SREBF2: variants seen among roughly 807,000 people sequenced by gnomAD.
SREBF2 encodes sterol regulatory element-binding protein 2.
SREBF2 carries 55 observed loss-of-function variants against 113.1 expected under a neutral mutation model. The observed-to-expected ratio is 0.49, with a 90% CI of 0.39 to 0.61. The LOEUF is 0.61. Among genes scored for constraint, SREBF2 ranks in the 20% least tolerant of loss-of-function variants. The pLI is 0.00. For missense variants in SREBF2, 1,349 were observed against 1,487.4 expected (o/e 0.91, Z 1.53); for synonymous variants, 593 against 605.7 (o/e 0.98, Z 0.31).
chr22:41,903,322 A>ATGTGTCCC (rs1259602402), intron 17 of SREBF2, among the ~76,000 whole-genome samples, 167 bp downstream of exon 17: 2 of 152,238 alleles, frequency 1.3e-5, no homozygotes, highest in Admixed American at 1.3e-4. Flanking sequence ...GCTAGGCGCC[A>ATGTGTCCC]TGTGTCCCTG....
chr22:41,902,513 A>ACTC (rs894943964), intron 16 of SREBF2, among the ~76,000 whole-genome samples: 3 of 146,752 alleles, frequency 2.0e-5, no homozygotes, highest in Admixed American at 6.8e-5. Context: ...TCCCTCTCCC[A>ACTC]CTCCTCCTCC....
chr22:41,838,977 G>T (rs1431203026), intron 1 of SREBF2, among the ~76,000 whole-genome samples: 1 of 152,126 alleles, frequency 6.6e-6, no homozygotes, highest in African/African-American at 2.4e-5. Flanking sequence ...CTGACTAGGT[G>T]TTCTGTAAAG....
chr22:41,898,934 A>C, intron 15 of SREBF2, 153 bp downstream of exon 15: 1 of 1,120,268 alleles, frequency 8.9e-7, no homozygotes, highest in Non-Finnish European at 1.3e-6. Context: ...TGAGGGCACC[A>C]TGGAGAACTC....
intron 7 of SREBF2, 42 bp downstream of exon 7, chr22:41,875,766 AT>A: frequency 6.2e-7 from 1 of 1,608,962 alleles, no homozygotes; most frequent in South Asian, 1.1e-5. Context: ...AATCTTTCCC[AT>A]TTCCCCTAAG....
Position 41,844,033 on chromosome 22 carries a change from TACACACACACACACACAC to T in SREBF2, c.88+10690_88+10707del, listed in dbSNP as rs71311415. Among the ~76,000 whole-genome samples the T allele has an allele frequency of 5.7e-5, 7 of 123,142 alleles. No homozygotes were observed. In the South Asian group the frequency reaches 1.2e-3, roughly 22 times the overall value. 80.8% of individuals were successfully genotyped at this position (123,142 alleles called of 152,430 possible). A position where few individuals can be genotyped will look rare whatever the true frequency, so the allele number is the denominator to read the frequency against. Reference sequence around the variant, plus strand: ...CCTGTCTCAAAAAAAAAAAAATACATACACACACACACACACACACACACACACACACGTATATGTATA... The same window carrying T: ...CCTGTCTCAAAAAAAAAAAAATACATACACACACACACACGTATATGTATA... On this transcript the variant is annotated intron_variant, in intron 1 of 18. Transcript: ENST00000361204.
At chr22:41,840,035 C>T (rs537981503) in intron 1 of SREBF2, among the ~76,000 whole-genome samples, 1 of 148,478 alleles carries the variant, frequency 6.7e-6, no homozygotes, top group African/African-American at 2.5e-5. Context: ...TCTCAGCTCA[C>T]TGCAGCCTCT....
chr22:41,875,462 T>C lies in SREBF2; in HGVS notation c.1204+11T>C. 6.8e-6 allele frequency: 11 copies of C among 1,614,238 alleles called. No individual in the cohort carries two copies. Among genetic ancestry groups the C allele is most frequent in the African/African-American group, 2.7e-5 (2 of 75,068 alleles). On this transcript the variant is annotated intron_variant, in intron 6 of 18. Transcript: ENST00000361204. ...CAAATCAAAAGAACAGTAAGTGTGC[T>C]GAGAAAAGGCTTGTCAGCCCTGGCC...
chr22:41,900,645 G>A, intron 16 of SREBF2, 147 bp downstream of exon 16: 1 of 812,456 alleles, frequency 1.2e-6, no homozygotes, highest in South Asian at 1.8e-5. Context: ...AAAAGTTACG[G>A]CTTATTGGCC....
chr22:41,848,118 T>C (rs2076894909), intron 1 of SREBF2, among the ~76,000 whole-genome samples: 2 of 151,982 alleles, frequency 1.3e-5, no homozygotes, highest in Admixed American at 1.3e-4. Flanking sequence ...ATTATTATTA[T>C]ACTTTGAGTT....
intron 8 of SREBF2, among the ~76,000 whole-genome samples, chr22:41,877,697 G>A (rs566754173): frequency 2.4e-4 from 37 of 152,272 alleles, no homozygotes; most frequent in African/African-American, 7.9e-4. Flanking sequence ...GGAGGATATC[G>A]TGTTTTTTAT....
At chr22:41,892,991 C>T (rs2077378831) in intron 11 of SREBF2, 126 bp from the exon 12 acceptor site, 1 of 1,164,266 alleles carries the variant, frequency 8.6e-7, no homozygotes, top group African/African-American at 1.5e-5. Context: ...GGAGTCCTAT[C>T]CCTGTGCTGA....
At chr22:41,877,547 G>C in intron 8 of SREBF2, 126 bp downstream of exon 8, 1 of 1,122,260 alleles carries the variant, frequency 8.9e-7, no homozygotes, top group Non-Finnish European at 1.3e-6. Flanking sequence ...GCCCCCACCT[G>C]CTTGCTTCTG....
intron 11 of SREBF2, among the ~76,000 whole-genome samples, chr22:41,886,720 T>C (rs1482386209): frequency 2.0e-5 from 3 of 152,270 alleles, no homozygotes; most frequent in Non-Finnish European, 2.9e-5. Flanking sequence ...AGTAAACTTA[T>C]CAAAGTACAT....
intron 16 of SREBF2, chr22:41,901,014 GGCCT>G (rs1166802242): frequency 1.9e-6 from 1 of 526,660 alleles, no homozygotes; most frequent in Admixed American, 2.0e-5. Context: ...GCATCACAGA[GGCCT>G]GCCTGGCCCT....
intron 1 of SREBF2, among the ~76,000 whole-genome samples, chr22:41,856,312 A>G (rs944285212): frequency 1.3e-5 from 2 of 151,916 alleles, no homozygotes; most frequent in African/African-American, 4.8e-5. Context: ...TATTTTTTGT[A>G]GAGATGGAGT....
intron 1 of SREBF2, among the ~76,000 whole-genome samples, chr22:41,849,535 C>G (rs2076907861): frequency 6.6e-6 from 1 of 152,114 alleles, no homozygotes; most frequent in Non-Finnish European, 1.5e-5. Flanking sequence ...ATAACATGTG[C>G]CTCTTGAAGG....
chr22:41,876,261 G>C (rs773965094), intron 7 of SREBF2, among the ~76,000 whole-genome samples: 6 of 152,238 alleles, frequency 3.9e-5, no homozygotes, highest in Non-Finnish European at 7.3e-5. Flanking sequence ...CTGGGAACCT[G>C]TAGAGACCAC....
chr22:41,837,276 G>C (rs957756670), intron 1 of SREBF2, among the ~76,000 whole-genome samples: 20 of 152,170 alleles, frequency 1.3e-4, no homozygotes, highest in African/African-American at 4.6e-4. Flanking sequence ...CCAGATTTTT[G>C]GCCGGGCACA....
chr22:41,865,339 C>G (rs1569386830), intron 1 of SREBF2, among the ~76,000 whole-genome samples: 1 of 152,000 alleles, frequency 6.6e-6, no homozygotes, highest in Non-Finnish European at 1.5e-5. Flanking sequence ...CAAGAACAAG[C>G]AGTAGCTTCT....
Sources: gnomAD v4.1 joint callset for allele counts (sites outside exome capture counted in the v4.1 genomes callset) on GRCh38, gnomAD v4.1.1 for gene constraint, MANE v1.5 for transcripts, NCBI Gene and HGNC (gene_info 2026-07-23, HGNC 2026-07-21) for gene names.